The following XKR4 variants were observed in gnomAD, a reference collection of about 807,000 sequenced individuals.
XKR4 encodes the protein XK related 4.
Under a neutral mutation model 53.9 loss-of-function variants are expected in XKR4, and 12 were observed. The observed-to-expected ratio is 0.22, with a 90% CI of 0.14 to 0.36. The LOEUF (loss-of-function observed/expected upper bound fraction) is 0.36. Ranked by LOEUF, XKR4 falls within the 10% of genes least tolerant of loss-of-function variation. XKR4 has a pLI of 1.00. For missense variants in XKR4, 799 were observed against 859.5 expected, an observed-to-expected ratio of 0.93 and a Z score of 0.88; for synonymous variants, 354 against 362.4, an observed-to-expected ratio of 0.98 and a Z score of 0.26.
At chr8:55,421,541 C>T (rs1804932354) in intron 2 of XKR4, among the ~76,000 whole-genome samples, 1 of 152,208 alleles carries the variant, frequency 6.6e-6, no homozygotes, top group African/African-American at 2.4e-5. Context: ...CTCTCTCTCT[C>T]TCTCTGTCTT....
At chr8:55,490,977 G>A (rs1455350571) in intron 2 of XKR4, among the ~76,000 whole-genome samples, 1 of 150,936 alleles carries the variant, frequency 6.6e-6, no homozygotes, top group Non-Finnish European at 1.5e-5. Flanking sequence ...GTGATAGACA[G>A]TTTGCTATTG....
chr8:55,176,345 A>AC (rs1302036999), intron 1 of XKR4, among the ~76,000 whole-genome samples: 2 of 152,176 alleles, frequency 1.3e-5, no homozygotes, highest in Non-Finnish European at 2.9e-5. Context: ...CTAGCCTTGC[A>AC]CCCTGTGCAC....
intron 1 of XKR4, among the ~76,000 whole-genome samples, chr8:55,227,908 G>GT (rs1269717884): frequency 6.6e-6 from 1 of 152,010 alleles, no homozygotes; most frequent in Non-Finnish European, 1.5e-5. Context: ...ACCGTTTTTT[G>GT]TTTTTTGTGT....
At chr8:55,390,179 A>C (rs1032753265) in intron 2 of XKR4, among the ~76,000 whole-genome samples, 3 of 152,250 alleles carry the variant, frequency 2.0e-5, no homozygotes, top group Non-Finnish European at 4.4e-5. Flanking sequence ...AAAAACAAAA[A>C]GAAAATCTAT....
intron 1 of XKR4, among the ~76,000 whole-genome samples, chr8:55,202,465 T>C (rs1817588558): frequency 6.6e-6 from 1 of 152,220 alleles, no homozygotes; most frequent in Non-Finnish European, 1.5e-5. Flanking sequence ...TCCAGACAAT[T>C]CCAGGCCAAC....
rs76366609 is a variant in XKR4, at chr8:55,275,982, T to C, written c.807-81696T>C. On this transcript the variant is annotated intron_variant, in intron 1 of 2. Coordinates refer to ENST00000327381, the MANE Select transcript of XKR4 (RefSeq NM_052898.2). ...CTGTTGTGATGCTAAAGGTTATTCATGTTAACATTTTGATGCCTTGTTTAC... is the reference window on the plus strand; with the variant it reads ...CTGTTGTGATGCTAAAGGTTATTCACGTTAACATTTTGATGCCTTGTTTAC... Among the ~76,000 whole-genome samples the C allele has an allele frequency of 8.9e-4, 135 of 152,338 alleles. 3 individuals carry two copies. In the East Asian group the frequency reaches 0.017, roughly 20 times the overall value.
chr8:55,523,626 G>A lies in XKR4; in HGVS notation c.1352G>A (p.Gly451Asp). 1 of 1,614,182 alleles carries A rather than the reference G, an allele frequency of 6.2e-7. No homozygotes were observed. The highest frequency in any genetic ancestry group is 8.5e-7 in the Non-Finnish European group (1 of 1,180,034). Residue 451 changes from glycine (G) to aspartate (D), a missense_variant, in exon 3 of 3, where the codon GGC becomes GAC. Transcript: ENST00000327381. ...YIFSWFNVKE[G>D]RTRCRLFIYY... is the part of the protein sequence containing the mutation. Reference sequence around the variant, plus strand: ...TTCAGTTGGTTCAATGTCAAGGAAGGCAGGACACGCTGCAGGCTATTCATT... The same window carrying A: ...TTCAGTTGGTTCAATGTCAAGGAAGACAGGACACGCTGCAGGCTATTCATT...
At chr8:55,276,183 T>G (rs1445110946) in intron 1 of XKR4, among the ~76,000 whole-genome samples, 1 of 152,228 alleles carries the variant, frequency 6.6e-6, no homozygotes, top group Non-Finnish European at 1.5e-5. Flanking sequence ...ATTCTTTTCC[T>G]GGGTCTCTTA....
At chr8:55,153,755 C>A (rs914816173) in intron 1 of XKR4, among the ~76,000 whole-genome samples, 1 of 152,162 alleles carries the variant, frequency 6.6e-6, no homozygotes, top group Admixed American at 6.5e-5. Flanking sequence ...AGACAGAGAT[C>A]AAGTGCTTGG....
intron 2 of XKR4, among the ~76,000 whole-genome samples, chr8:55,371,756 G>T (rs1456723168): frequency 6.6e-6 from 1 of 152,234 alleles, no homozygotes; most frequent in Admixed American, 6.5e-5. Context: ...TTGAGTCATG[G>T]TACCACCCCA....
At chr8:55,371,419 T>C (rs1229908844) in intron 2 of XKR4, among the ~76,000 whole-genome samples, 1 of 152,192 alleles carries the variant, frequency 6.6e-6, no homozygotes, top group Admixed American at 6.5e-5. Flanking sequence ...AGTAAATCCT[T>C]GCATATATAC....
chr8:55,182,099 T>C (rs569337310), intron 1 of XKR4, among the ~76,000 whole-genome samples: 12 of 152,272 alleles, frequency 7.9e-5, no homozygotes, highest in African/African-American at 2.2e-4. Context: ...TTTTATCAAA[T>C]TTTTCGTTTT....
rs574281526 is a variant in XKR4 at position 55,465,428 on chromosome 8, G to A, written c.1007-57853G>A. 2.9e-3 allele frequency among the ~76,000 whole-genome samples: 436 copies of A among 152,116 alleles called. 4 individuals carry two copies. The highest frequency in any genetic ancestry group is 0.027 in the Middle Eastern group (8 of 294). On this transcript the variant is annotated intron_variant, in intron 2 of 2. Coordinates refer to ENST00000327381, the MANE Select transcript of XKR4 (RefSeq NM_052898.2). ...TAAATGGTGCTGGAAAAACTGGCTA[G>A]CCATATGTAGAAAGCTGAAACTGGA...
chr8:55,463,661 T>A (rs1805701583), intron 2 of XKR4, among the ~76,000 whole-genome samples: 2 of 151,804 alleles, frequency 1.3e-5, no homozygotes, highest in African/African-American at 4.9e-5. Flanking sequence ...AATAAAAAAC[T>A]GTTCAAAAAA....
chr8:55,459,463 A>G (rs972173572), intron 2 of XKR4, among the ~76,000 whole-genome samples: 5 of 152,164 alleles, frequency 3.3e-5, no homozygotes, highest in South Asian at 2.1e-4. Flanking sequence ...TCTGCTTTTC[A>G]AATGCCAACT....
intron 1 of XKR4, among the ~76,000 whole-genome samples, chr8:55,330,217 G>A (rs1803363402): frequency 6.6e-6 from 1 of 152,178 alleles, no homozygotes; most frequent in African/African-American, 2.4e-5. Context: ...TAGGTAAGCA[G>A]TTAAAAGCAT....
rs368520312 is a variant in XKR4, at chr8:55,471,457, G to A, written c.1007-51824G>A. Among the ~76,000 whole-genome samples the A allele has an allele frequency of 6.1e-4, 93 of 152,218 alleles. 3 individuals are homozygous for A. Among genetic ancestry groups the A allele is most frequent in the African/African-American group, 2.1e-3 (86 of 41,482 alleles). The stretch of plus-strand genomic sequence containing the variant: ...CGCATCCATGCAGAATCTGAAACTC[G>A]GAGTTGGGGCCCGGCCATCTGTGTT... On this transcript the variant is annotated intron_variant, in intron 2 of 2. Coordinates refer to ENST00000327381, the MANE Select transcript of XKR4 (RefSeq NM_052898.2).
chr8:55,110,075 T>C (rs1345093621), intron 1 of XKR4, among the ~76,000 whole-genome samples: 3 of 152,200 alleles, frequency 2.0e-5, no homozygotes, highest in Non-Finnish European at 4.4e-5. Flanking sequence ...ACTGGACCTA[T>C]GGAAGCAAGA....
chr8:55,299,114 A>C (rs906273417), intron 1 of XKR4, among the ~76,000 whole-genome samples: 1 of 152,168 alleles, frequency 6.6e-6, no homozygotes, highest in African/African-American at 2.4e-5. Context: ...CGTTTTCGTC[A>C]GTCTGGAATA....
Sources: gnomAD v4.1 joint callset for allele counts (sites outside exome capture counted in the v4.1 genomes callset) on GRCh38, gnomAD v4.1.1 for gene constraint, MANE v1.5 for transcripts, NCBI Gene and HGNC (gene_info 2026-07-23, HGNC 2026-07-21) for gene names.